Variants in BLTP1 observed in about 807,000 individuals in gnomAD.
BLTP1 encodes the protein bridge-like lipid transfer protein family member 1, also known as fragile site-associated protein.
At chr4:122,291,444 T>G in the BLTP1 span, among the ~76,000 whole-genome samples, 1 of 152,250 alleles carries the variant, frequency 6.6e-6, no homozygotes, top group Admixed American at 6.5e-5. Context: ...TAATCTTCAG[T>G]TATTTTCCTA....
chr4:122,315,054 G>GTC, the BLTP1 span, among the ~76,000 whole-genome samples: 1 of 152,114 alleles, frequency 6.6e-6, no homozygotes, highest in African/African-American at 2.4e-5. Context: ...ACACAGTGGA[G>GTC]TCTCGTTTCT....
At chr4:122,301,236 T>A in the BLTP1 span, 2 of 1,441,846 alleles carry the variant, frequency 1.4e-6, no homozygotes, top group South Asian at 2.9e-5. Flanking sequence ...TTTTTTTTAA[T>A]GCACAAAATA....
the BLTP1 span, among the ~76,000 whole-genome samples, chr4:122,259,094 A>G: frequency 2.0e-5 from 3 of 152,238 alleles, no homozygotes; most frequent in African/African-American, 7.2e-5. Context: ...ACTGTATTCC[A>G]TAAAATCCCA....
chr4:122,350,178 G>T, the BLTP1 span: 2 of 1,452,624 alleles, frequency 1.4e-6, no homozygotes. Context: ...TTAGAAAATA[G>T]CCCACAGGCT....
At chr4:122,341,271 CTCA>C in the BLTP1 span, among the ~76,000 whole-genome samples, 1 of 152,088 alleles carries the variant, frequency 6.6e-6, no homozygotes, top group South Asian at 2.1e-4. Flanking sequence ...TTTCTACACT[CTCA>C]TCACAGTGTG....
chr4:122,238,145 G>A, the BLTP1 span: 7 of 1,613,674 alleles, frequency 4.3e-6, no homozygotes, highest in Admixed American at 1.7e-5. Flanking sequence ...AGTGGGAATA[G>A]AAGTAGAGAG....
chr4:122,239,034 C>T, the BLTP1 span, among the ~76,000 whole-genome samples: 1 of 152,106 alleles, frequency 6.6e-6, no homozygotes, highest in Admixed American at 6.5e-5. Flanking sequence ...ACTTCAAACT[C>T]AACATATTAA....
the BLTP1 span, chr4:122,167,892 C>A: frequency 1.0e-6 from 1 of 985,336 alleles, no homozygotes; most frequent in Non-Finnish European, 1.2e-6. Flanking sequence ...GTATTTTGTT[C>A]CACCGTTTGC....
chr4:122,214,869 C>T, the BLTP1 span, among the ~76,000 whole-genome samples: 1 of 151,974 alleles, frequency 6.6e-6, no homozygotes, highest in Non-Finnish European at 1.5e-5. Flanking sequence ...ACCTGGGCCT[C>T]CTGAAGTGCT....
chr4:122,344,328 G>C, the BLTP1 span: 3 of 1,545,138 alleles, frequency 1.9e-6, no homozygotes, highest in Admixed American at 1.8e-5. Context: ...AGACAGCTGT[G>C]TGTATATATG....
chr4:122,238,176 T>C, the BLTP1 span: 6 of 1,614,028 alleles, frequency 3.7e-6, no homozygotes, highest in Non-Finnish European at 5.1e-6. Flanking sequence ...CACCTTAGTC[T>C]TCAAGTACCA....
chr4:122,200,926 C>A, the BLTP1 span: 1 of 1,519,382 alleles, frequency 6.6e-7, no homozygotes, highest in South Asian at 1.3e-5. Context: ...TACTCACTAG[C>A]GTGTGTAACT....
chr4:122,325,928 A>G, the BLTP1 span: 1 of 893,414 alleles, frequency 1.1e-6, no homozygotes, highest in Non-Finnish European at 1.6e-6. Flanking sequence ...GTACTTACTA[A>G]GAACAATATA....
chr4:122,185,192 T>G, the BLTP1 span: 22 of 983,098 alleles, frequency 2.2e-5, no homozygotes, highest in Non-Finnish European at 2.5e-5. Flanking sequence ...AACCAAGTGA[T>G]GATAAAATCA....
the BLTP1 span, chr4:122,277,256 A>C: frequency 3.3e-6 from 1 of 304,566 alleles, no homozygotes; most frequent in Non-Finnish European, 4.8e-6. Context: ...TGGGAGGATC[A>C]CTTGAGCCCA....
At chr4:122,327,298 T>G in the BLTP1 span, among the ~76,000 whole-genome samples, 1 of 151,690 alleles carries the variant, frequency 6.6e-6, no homozygotes, top group Non-Finnish European at 1.5e-5. Context: ...TGGTGCAATA[T>G]TTGCACATAA....
At chr4:122,219,476 G>T in the BLTP1 span, 1 of 1,614,026 alleles carries the variant, frequency 6.2e-7, no homozygotes, top group Non-Finnish European at 8.5e-7. Flanking sequence ...GAAAATGAAG[G>T]TTCAGCCAAG....
At chr4:122,257,931 C>T in the BLTP1 span, among the ~76,000 whole-genome samples, 1 of 152,180 alleles carries the variant, frequency 6.6e-6, no homozygotes, top group South Asian at 2.1e-4. Context: ...GAATGAAACA[C>T]ATAAACCTCT....
At chr4:122,213,191 C>T in the BLTP1 span, among the ~76,000 whole-genome samples, 1 of 152,102 alleles carries the variant, frequency 6.6e-6, no homozygotes, top group Admixed American at 6.6e-5. Context: ...CACCACCACA[C>T]CCATCTAATT....
Sources: gnomAD v4.1 joint callset for allele counts (sites outside exome capture counted in the v4.1 genomes callset) on GRCh38, gnomAD v4.1.1 for gene constraint, MANE v1.5 for transcripts, NCBI Gene and HGNC (gene_info 2026-07-23, HGNC 2026-07-21) for gene names.